IGFL2: variants seen among roughly 807,000 people sequenced by gnomAD.
The protein encoded by IGFL2 is insulin growth factor-like family member 2.
A neutral mutation model predicts 13.9 loss-of-function variants in IGFL2; 7 were observed. The observed-to-expected ratio is 0.51, with a 90% CI of 0.29 to 0.95. The LOEUF (loss-of-function observed/expected upper bound fraction) is 0.95, where lower values mean the gene tolerates loss of function less well. Among genes scored for constraint, IGFL2 ranks in the 40% least tolerant of loss-of-function variants. The probability of loss-of-function intolerance (pLI) is 0.08; values close to 1 mark genes in which losing one functional copy is unlikely to be tolerated. For synonymous variants in IGFL2, 55 were observed against 55.8 expected (o/e 0.99, Z 0.07); for missense variants, 138 against 147.8 (o/e 0.93, Z 0.34).
intron 1 of IGFL2, chr19:46,149,146 C>CTCT (rs879053205): frequency 5.1e-5 from 11 of 215,254 alleles, no homozygotes; most frequent in Middle Eastern, 2.0e-3. Flanking sequence ...CCATCTCTCT[C>CTCT]TCTCCCTCTC....
At chr19:46,177,704 A>G in the IGFL2 span, among the ~76,000 whole-genome samples, 1 of 151,970 alleles carries the variant, frequency 6.6e-6, no homozygotes, top group Non-Finnish European at 1.5e-5. Flanking sequence ...CCACCTGGAC[A>G]CAGGAGGGTG....
At chr19:46,202,317 G>A in the IGFL2 span, among the ~76,000 whole-genome samples, 1 of 152,156 alleles carries the variant, frequency 6.6e-6, no homozygotes, top group Non-Finnish European at 1.5e-5. Context: ...TGGCCATTTA[G>A]AACAATTGTT....
the IGFL2 span, among the ~76,000 whole-genome samples, chr19:46,098,079 A>G: frequency 6.6e-6 from 1 of 152,140 alleles, no homozygotes; most frequent in Non-Finnish European, 1.5e-5. Flanking sequence ...TGTCTTAATG[A>G]TAGTCTGATA....
At chr19:46,145,767 A>AT (rs1349411362), upstream of IGFL2, among the ~76,000 whole-genome samples, 2 of 151,772 alleles carry the variant, frequency 1.3e-5, no homozygotes, top group African/African-American at 4.8e-5. Context: ...TCATGTGCTT[A>AT]TTTGCTATCT....
At chr19:46,158,668 T>C (rs541880933) in intron 1 of IGFL2, among the ~76,000 whole-genome samples, 76 of 152,298 alleles carry the variant, frequency 5.0e-4, no homozygotes, top group Non-Finnish European at 7.9e-4. Flanking sequence ...GTACAACTTT[T>C]CTTGAATAAC....
intron 1 of IGFL2, among the ~76,000 whole-genome samples, chr19:46,153,151 T>G (rs1973599884): frequency 6.6e-6 from 1 of 152,236 alleles, no homozygotes; most frequent in African/African-American, 2.4e-5. Context: ...TGTCTTTGTC[T>G]GGTTTCGGTA....
chr19:46,078,700 T>A, the IGFL2 span, among the ~76,000 whole-genome samples: 1 of 152,238 alleles, frequency 6.6e-6, no homozygotes, highest in Non-Finnish European at 1.5e-5. Flanking sequence ...TCAAAAGGCC[T>A]GTGACGCACT....
intron 1 of IGFL2, among the ~76,000 whole-genome samples, chr19:46,156,185 G>A (rs10410935): frequency 0.52 from 78,506 of 151,946 alleles, 20,868 homozygotes; most frequent in Middle Eastern, 0.62. Flanking sequence ...TATTTATTGA[G>A]TTTGCATTGA....
chr19:46,213,644 G>A, the IGFL2 span, among the ~76,000 whole-genome samples: 3 of 151,926 alleles, frequency 2.0e-5, no homozygotes, highest in Admixed American at 6.6e-5. Context: ...CATCCACAGC[G>A]CCCGGGTCAG....
chr19:46,124,421 T>G, the IGFL2 span: 2 of 1,349,962 alleles, frequency 1.5e-6, no homozygotes, highest in Non-Finnish European at 2.1e-6. Context: ...GGTTTAAAGG[T>G]GGAGATTATC....
At chr19:46,094,766 G>A in the IGFL2 span, among the ~76,000 whole-genome samples, 5 of 152,096 alleles carry the variant, frequency 3.3e-5, no homozygotes, top group South Asian at 1.0e-3. Context: ...ACTTACAAGT[G>A]AGAACATGCA....
chr19:46,136,859 A>G, the IGFL2 span: 1 of 730,752 alleles, frequency 1.4e-6, no homozygotes, highest in Non-Finnish European at 2.5e-6. Context: ...TAGGGGGAGG[A>G]GTGTTGAAAA....
At chr19:46,172,832 C>G in the IGFL2 span, among the ~76,000 whole-genome samples, 1 of 152,118 alleles carries the variant, frequency 6.6e-6, no homozygotes, top group African/African-American at 2.4e-5. Context: ...ATCCTACCAC[C>G]TCAGCCCTCT....
the IGFL2 span, among the ~76,000 whole-genome samples, chr19:46,185,485 A>G: frequency 6.6e-6 from 1 of 152,128 alleles, no homozygotes; most frequent in East Asian, 1.9e-4. Context: ...AAGTCAAGGA[A>G]CCTGGGCTCT....
intron 1 of IGFL2, chr19:46,149,048 G>A: frequency 6.3e-7 from 1 of 1,598,226 alleles, no homozygotes; most frequent in Non-Finnish European, 8.5e-7. Context: ...GTAAGTAAGG[G>A]CAGCCCAGGC....
chr19:46,153,834 TA>T (rs199510607), intron 1 of IGFL2, among the ~76,000 whole-genome samples: 137 of 146,174 alleles, frequency 9.4e-4, no homozygotes, highest in African/African-American at 2.6e-3. Flanking sequence ...TATATATATA[TA>T]TATATTTTTT....
chr19:46,094,865 C>G, the IGFL2 span, among the ~76,000 whole-genome samples: 4 of 152,102 alleles, frequency 2.6e-5, no homozygotes, highest in African/African-American at 9.7e-5. Context: ...GATCTCATTC[C>G]TTTTTATGGC....
chr19:46,107,339 G>A, the IGFL2 span, among the ~76,000 whole-genome samples: 1 of 152,220 alleles, frequency 6.6e-6, no homozygotes, highest in Non-Finnish European at 1.5e-5. Flanking sequence ...GATCTGGGAA[G>A]GAGTCAGTCA....
In IGFL2 at chr19:46,148,906, A is replaced by G. The variant is rs1284295576; in HGVS notation, c.19+609A>G. 2.6e-6 allele frequency: 4 copies of G among 1,550,252 alleles called. No homozygotes were observed. In the Admixed American group the frequency reaches 7.8e-5, roughly 30 times the overall value. ...CTGTTGGGACTGTGATGAGGGGATCATCCTGCCCTCGAACCAGACCCAGCC... is the reference window on the plus strand; with the variant it reads ...CTGTTGGGACTGTGATGAGGGGATCGTCCTGCCCTCGAACCAGACCCAGCC... On this transcript the variant is annotated intron_variant, in intron 1 of 3. Coordinates refer to ENST00000377693, the MANE Select transcript of IGFL2 (RefSeq NM_001135113.2).
Sources: allele counts gnomAD v4.1 joint callset (sites outside exome capture counted in the v4.1 genomes callset), GRCh38; gene constraint gnomAD v4.1.1; transcripts MANE v1.5; gene names NCBI Gene and HGNC (gene_info 2026-07-23, HGNC 2026-07-21).